The following FARS2 variants were observed in gnomAD, a reference collection of about 807,000 sequenced individuals.
The protein encoded by FARS2 is phenylalanine--tRNA ligase, mitochondrial.
Under a neutral mutation model 46.4 loss-of-function variants are expected in FARS2, and 40 were observed. The ratio of observed to expected loss-of-function variants is 0.86; its 90% CI spans 0.67 to 1.12. FARS2 has a LOEUF of 1.12. Among genes scored for constraint, FARS2 ranks in the 50% most tolerant of loss-of-function variants. The probability of loss-of-function intolerance (pLI) is 0.00; values close to 1 mark genes in which losing one functional copy is unlikely to be tolerated. For synonymous variants in FARS2, 234 were observed against 214.9 expected (o/e 1.09, Z -0.78); for missense variants, 513 against 567.9 (o/e 0.90, Z 0.98).
At chr6:5,624,856 G>T (rs557369486) in intron 6 of FARS2, among the ~76,000 whole-genome samples, 50 of 146,842 alleles carry the variant, frequency 3.4e-4, no homozygotes, top group Admixed American at 6.8e-4. Flanking sequence ...GGGCAGTTAT[G>T]AGTGACACTC....
At chr6:5,549,027 A>G (rs1771207859) in intron 5 of FARS2, among the ~76,000 whole-genome samples, 1 of 152,228 alleles carries the variant, frequency 6.6e-6, no homozygotes, top group African/African-American at 2.4e-5. Flanking sequence ...AGTTACCACA[A>G]ATCTAGTAGC....
At chr6:5,627,360 G>A (rs1474580185) in intron 6 of FARS2, among the ~76,000 whole-genome samples, 1 of 152,230 alleles carries the variant, frequency 6.6e-6, no homozygotes, top group African/African-American at 2.4e-5. Flanking sequence ...GTAGTAAGAT[G>A]AAGAAAGAGG....
intron 1 of FARS2, among the ~76,000 whole-genome samples, chr6:5,356,600 G>GT (rs1757947531): frequency 2.0e-5 from 3 of 152,220 alleles, no homozygotes; most frequent in Admixed American, 1.3e-4. Flanking sequence ...TTAGGTATGA[G>GT]TGATAGTGCT....
At position 5,740,233 on chromosome 6, in the gene FARS2, C is replaced by T. The variant is rs146281463; in HGVS notation, c.1218-31058C>T. Among the ~76,000 whole-genome samples, 1,220 of 152,232 alleles carry T rather than the reference C, an allele frequency of 8.0e-3. 16 individuals are homozygous for T. The highest frequency in any genetic ancestry group is 0.012 in the Non-Finnish European group (783 of 68,010). On this transcript the variant is annotated intron_variant, in intron 6 of 6. Transcript: ENST00000274680. ...TCCCCTCCTAGAGTGGGTTAGGGCC[C>T]TTCAAAGCTTTTTCATCTAAGGCAT...
intron 4 of FARS2, among the ~76,000 whole-genome samples, chr6:5,531,457 T>C (rs1033400110): frequency 6.6e-6 from 1 of 152,176 alleles, no homozygotes; most frequent in Non-Finnish European, 1.5e-5. Context: ...AAGGGGATGG[T>C]CCAAAGTGAG....
chr6:5,485,452 G>A (rs1766717204), intron 4 of FARS2, among the ~76,000 whole-genome samples: 1 of 146,146 alleles, frequency 6.8e-6, no homozygotes, highest in African/African-American at 2.5e-5. Flanking sequence ...ACATGATGCA[G>A]TTCTTAACGT....
At chr6:5,465,803 C>T (rs1047290113) in intron 4 of FARS2, among the ~76,000 whole-genome samples, 1 of 151,584 alleles carries the variant, frequency 6.6e-6, no homozygotes, top group Non-Finnish European at 1.5e-5. Flanking sequence ...GCATCATTAG[C>T]TTTTTTTATT....
intron 5 of FARS2, among the ~76,000 whole-genome samples, chr6:5,557,540 C>T (rs1452043474): frequency 1.3e-5 from 2 of 152,136 alleles, no homozygotes; most frequent in East Asian, 1.9e-4. Context: ...GTACTGAGCT[C>T]GTGTCAATAA....
At chr6:5,368,053 C>T (rs1270148271) in intron 1 of FARS2, among the ~76,000 whole-genome samples, 1 of 152,106 alleles carries the variant, frequency 6.6e-6, no homozygotes, top group Non-Finnish European at 1.5e-5. Context: ...TGAGGATGGT[C>T]GGCAGAAATG....
chr6:5,607,329 G>T (rs911132206), intron 5 of FARS2, among the ~76,000 whole-genome samples: 5 of 143,420 alleles, frequency 3.5e-5, no homozygotes, highest in African/African-American at 1.0e-4. Flanking sequence ...GTGTGTGTGT[G>T]TATTTCTTAA....
intron 1 of FARS2, among the ~76,000 whole-genome samples, chr6:5,273,275 T>C (rs979354148): frequency 6.9e-4 from 105 of 152,356 alleles, no homozygotes; most frequent in East Asian, 1.2e-3. Context: ...TACTAACTTA[T>C]ATTTCCACCA....
At chr6:5,424,431 G>A (rs1416266937) in intron 3 of FARS2, among the ~76,000 whole-genome samples, 1 of 152,200 alleles carries the variant, frequency 6.6e-6, no homozygotes, top group Non-Finnish European at 1.5e-5. Flanking sequence ...TGGGCCACAT[G>A]CAGGAATCTT....
rs1202931963 is a variant in FARS2 at position 5,592,674 on chromosome 6, G to A, written c.1066-20495G>A. ...TATGCTAGGCACCTGGAGAGATCCC[G>A]TATTTCAAAACAACCGATAGCCAGT... On this transcript the variant is annotated intron_variant, in intron 5 of 6. Coordinates refer to ENST00000274680, the MANE Select transcript of FARS2 (RefSeq NM_006567.5). 4.6e-5 allele frequency among the ~76,000 whole-genome samples: 7 copies of A among 152,168 alleles called. No individual in the cohort carries two copies. The East Asian group carries it at 5.8e-4, about 13-fold the overall frequency.
chr6:5,488,116 G>A (rs1766888969), intron 4 of FARS2, among the ~76,000 whole-genome samples: 1 of 152,096 alleles, frequency 6.6e-6, no homozygotes, highest in African/African-American at 2.4e-5. Context: ...CTGTGCCCTG[G>A]AGTTCATCTT....
chr6:5,616,762 T>C (rs973386310), intron 6 of FARS2, among the ~76,000 whole-genome samples: 1 of 152,240 alleles, frequency 6.6e-6, no homozygotes, highest in African/African-American at 2.4e-5. Context: ...ATCAGGGATT[T>C]GGAATTCATT....
chr6:5,353,248 C>G (rs1275377827), intron 1 of FARS2, among the ~76,000 whole-genome samples: 3 of 152,174 alleles, frequency 2.0e-5, no homozygotes, highest in Non-Finnish European at 4.4e-5. Flanking sequence ...CTTTTTATGG[C>G]TGAATAGTAT....
chr6:5,673,937 T>G (rs1778616768), intron 6 of FARS2, among the ~76,000 whole-genome samples: 1 of 152,136 alleles, frequency 6.6e-6, no homozygotes, highest in African/African-American at 2.4e-5. Context: ...GTTTATGGAA[T>G]CCTTTAATCA....
At chr6:5,442,948 T>C (rs1763924975) in intron 4 of FARS2, among the ~76,000 whole-genome samples, 1 of 152,200 alleles carries the variant, frequency 6.6e-6, no homozygotes, top group African/African-American at 2.4e-5. Context: ...TTTCTGATGT[T>C]TTTGCAACTG....
intron 3 of FARS2, among the ~76,000 whole-genome samples, chr6:5,426,755 A>G (rs1208801462): frequency 1.3e-5 from 2 of 152,172 alleles, no homozygotes; most frequent in Admixed American, 1.3e-4. Context: ...CCTCCCAAGT[A>G]GCTGGTACTA....
Sources: gnomAD v4.1 joint callset for allele counts (sites outside exome capture counted in the v4.1 genomes callset) on GRCh38, gnomAD v4.1.1 for gene constraint, MANE v1.5 for transcripts, NCBI Gene and HGNC (gene_info 2026-07-23, HGNC 2026-07-21) for gene names.